The following GPNMB variants were observed in gnomAD, a reference collection of about 807,000 sequenced individuals.
GPNMB encodes transmembrane glycoprotein NMB.
In GPNMB, 71 loss-of-function variants were observed where a neutral mutation model predicts 57.3. That is an observed-to-expected ratio of 1.24 (90% CI 1.02 to 1.51). The LOEUF (loss-of-function observed/expected upper bound fraction) is 1.51. GPNMB is among the 40% of genes most tolerant of loss of function. The pLI, the probability that GPNMB is intolerant of heterozygous loss-of-function variation, is 0.00. For synonymous variants in GPNMB, 253 were observed against 263.2 expected, an observed-to-expected ratio of 0.96 and a Z score of 0.38; for missense variants, 677 against 691.9, an observed-to-expected ratio of 0.98 and a Z score of 0.24.
At chr7:23,250,146 G>A in intron 1 of GPNMB, among the ~76,000 whole-genome samples, 1 of 152,122 alleles carries the variant, frequency 6.6e-6, no homozygotes, top group East Asian at 1.9e-4. Context: ...AGTGAGTTTT[G>A]AAAATTCTTT....
chr7:23,273,825 CT>C (rs1373891050), intron 10 of GPNMB: 1 of 580,602 alleles, frequency 1.7e-6, no homozygotes, highest in Non-Finnish European at 3.0e-6. Flanking sequence ...ATCTCAGTAA[CT>C]TTACAAAATT....
At chr7:23,252,180 A>G (rs188762099) in intron 1 of GPNMB, among the ~76,000 whole-genome samples, 1 of 152,366 alleles carries the variant, frequency 6.6e-6, no homozygotes, top group Non-Finnish European at 1.5e-5. Context: ...AAGAAGGAAA[A>G]AAGAACAAGT....
chr7:23,265,349 A>G (rs929132595), intron 6 of GPNMB, among the ~76,000 whole-genome samples: 1 of 152,210 alleles, frequency 6.6e-6, no homozygotes, highest in East Asian at 1.9e-4. Flanking sequence ...AGTCTACTTC[A>G]CATGTCTTTT....
intron 6 of GPNMB, among the ~76,000 whole-genome samples, chr7:23,265,056 T>C (rs1191389394): frequency 6.6e-6 from 1 of 152,236 alleles, no homozygotes. Flanking sequence ...GCCACAGTTC[T>C]TCCTGCTGGT....
intron 8 of GPNMB, 104 bp downstream of exon 8, chr7:23,268,092 T>G: frequency 1.4e-6 from 1 of 727,030 alleles, no homozygotes; most frequent in African/African-American, 1.7e-5. Flanking sequence ...TGATTTGAAT[T>G]CCTATTGATT....
Position 23,257,062 on chromosome 7 carries a change from C to G in GPNMB, c.538C>G (p.Leu180Val), listed in dbSNP as rs769203451. The change falls in exon 4 of 11, where the codon CTT becomes GTT. Residue 180 changes from leucine (L) to valine (V), a missense_variant. Physicochemically the swap from Leu to Val is conservative, Grantham distance 32. Transcript: ENST00000258733. ...RWNFIYVFHT[L>V]GQYFQKLGRC... ...GAATTTCATCTACGTCTTCCACACA[C>G]TTGGTTGGCTTTTACAAACCCCTAA... The G allele has an allele frequency of 5.0e-6, 8 of 1,613,772 alleles. No individual in the cohort carries two copies. Among genetic ancestry groups the G allele is most frequent in the South Asian group, 2.2e-5 (2 of 91,082 alleles).
At chr7:23,260,274 G>C (rs1424094317) in intron 5 of GPNMB, 136 bp downstream of exon 5, 1 of 1,050,922 alleles carries the variant, frequency 9.5e-7, no homozygotes, top group African/African-American at 1.6e-5. Context: ...TATTTAATTA[G>C]TTGTAGTTCA....
chr7:23,273,332 C>T (rs1383584895), intron 9 of GPNMB, 189 bp from the exon 10 acceptor site: 10 of 561,898 alleles, frequency 1.8e-5, no homozygotes, highest in Admixed American at 3.3e-5. Context: ...GACATGCTGA[C>T]TCATTCTCTA....
intron 1 of GPNMB, chr7:23,248,113 T>C (rs1782577857): frequency 6.6e-6 from 1 of 152,306 alleles, no homozygotes; most frequent in South Asian, 2.1e-4. Flanking sequence ...TTGCTCCATT[T>C]CCTCATTTCC....
chr7:23,260,196 G>A (rs1583824739), intron 5 of GPNMB, 58 bp downstream of exon 5: 3 of 1,571,890 alleles, frequency 1.9e-6, no homozygotes, highest in East Asian at 4.5e-5. Context: ...ACGTCAATGG[G>A]TTAAAAAAGA....
intron 9 of GPNMB, 123 bp from the exon 10 acceptor site, chr7:23,273,398 A>G (rs1562645744): frequency 1.5e-6 from 1 of 660,420 alleles, no homozygotes; most frequent in Non-Finnish European, 2.7e-6. Flanking sequence ...AAGATTACTG[A>G]AAGCCCAGAG....
rs1782704222 is a variant in GPNMB, at chr7:23,253,464, G to A, written c.223+5G>A. The A allele has an allele frequency of 6.2e-7, 1 of 1,612,578 alleles. No individual in the cohort carries two copies. Among genetic ancestry groups the A allele is most frequent in the East Asian group, 2.2e-5 (1 of 44,868 alleles). ...GGTGGAAAAACTCCTGGAAGGGTAA[G>A]TCAAAAGATTCAAACCAAACACCTG... is the stretch of plus-strand genomic sequence containing the variant. On this transcript the variant is annotated splice_donor_5th_base_variant and intron_variant, in intron 2 of 10. Transcript: ENST00000258733.
chr7:23,264,620 A>G (rs1583830607), intron 6 of GPNMB, among the ~76,000 whole-genome samples: 1 of 151,966 alleles, frequency 6.6e-6, no homozygotes, highest in Non-Finnish European at 1.5e-5. Context: ...CAAGTGATCC[A>G]CCTACCTCAG....
intron 3 of GPNMB, among the ~76,000 whole-genome samples, chr7:23,256,157 C>T (rs566419207): frequency 3.3e-5 from 5 of 152,264 alleles, no homozygotes; most frequent in African/African-American, 7.2e-5. Flanking sequence ...CCGCCCATCT[C>T]GGCCTCCCAA....
chr7:23,267,613 T>C (rs533045831), intron 7 of GPNMB, among the ~76,000 whole-genome samples: 8 of 152,288 alleles, frequency 5.3e-5, no homozygotes, highest in Admixed American at 3.9e-4. Context: ...AGATGGCAGA[T>C]AGCAGTCTTC....
Position 23,246,928 on chromosome 7 carries a change from G to A in GPNMB, c.70+1G>A, listed in dbSNP as rs1006840536. The A allele has an allele frequency of 1.5e-5, 24 of 1,607,168 alleles. No individual in the cohort carries two copies. Among genetic ancestry groups the A allele is most frequent in the African/African-American group, 2.7e-5 (2 of 74,726 alleles). On this transcript the variant is annotated splice_donor_variant, in intron 1 of 10. Coordinates refer to ENST00000258733, the MANE Select transcript of GPNMB (RefSeq NM_002510.3). LOFTEE classifies it high-confidence loss of function. ...AGATTGCCACTTGATGCCGCCAAAC[G>A]TGAGTAACCCTTAATTTCTATGTTT...
intron 6 of GPNMB, among the ~76,000 whole-genome samples, chr7:23,264,333 A>C (rs1783006593): frequency 6.6e-6 from 1 of 152,014 alleles, no homozygotes; most frequent in Admixed American, 6.6e-5. Flanking sequence ...TTGACTTTAT[A>C]GACACAATGT....
chr7:23,254,576 G>C (rs1350778209), intron 3 of GPNMB, among the ~76,000 whole-genome samples: 12 of 152,170 alleles, frequency 7.9e-5, no homozygotes, highest in Admixed American at 7.9e-4. Context: ...CTTTTCCTTA[G>C]TGTCCAGTTG....
At position 23,260,659 on chromosome 7, in the gene GPNMB, A is replaced by G; in HGVS notation, c.904A>G (p.Thr302Ala). Residue 302 changes from threonine (T) to alanine (A), a missense_variant, in exon 6 of 11, where the codon ACG (threonine) becomes GCG (alanine). Coordinates refer to ENST00000258733, the MANE Select transcript of GPNMB (RefSeq NM_002510.3). The part of the protein sequence containing the change: ...FVSTNHTVNH[T>A]YVLNGTFSLN... ...TTCCACCAATCATACTGTGAATCAC[A>G]CGTATGTGCTCAATGGAACCTTCAG... The G allele has an allele frequency of 3.7e-6, 6 of 1,613,506 alleles. No individual in the cohort carries two copies. Among genetic ancestry groups the G allele is most frequent in the Non-Finnish European group, 5.1e-6 (6 of 1,179,450 alleles).
Sources: gnomAD v4.1 joint callset for allele counts (sites outside exome capture counted in the v4.1 genomes callset) on GRCh38, gnomAD v4.1.1 for gene constraint, MANE v1.5 for transcripts, NCBI Gene and HGNC (gene_info 2026-07-23, HGNC 2026-07-21) for gene names.